Variants in SLC4A4 observed in about 807,000 individuals in gnomAD.
The protein encoded by SLC4A4 is electrogenic sodium bicarbonate cotransporter 1.
SLC4A4 carries 27 observed loss-of-function variants against 111.5 expected under a neutral mutation model. That is an observed-to-expected ratio of 0.24 (90% confidence interval 0.18 to 0.33). The LOEUF is 0.33. Among genes scored for constraint, SLC4A4 ranks in the 10% least tolerant of loss-of-function variants. SLC4A4 has a pLI of 1.00. For synonymous variants in SLC4A4, 443 were observed against 463.4 expected (o/e 0.96, Z 0.57); for missense variants, 909 against 1,315.5 (o/e 0.69, Z 4.78).
chr4:71,519,151 T>C (rs1040755980), intron 16 of SLC4A4, among the ~76,000 whole-genome samples: 2 of 152,346 alleles, frequency 1.3e-5, no homozygotes, highest in South Asian at 2.1e-4. Context: ...TTGTTCAAAT[T>C]TATGTTTCTG....
At chr4:71,205,299 A>C (rs1485620484) in intron 1 of SLC4A4, among the ~76,000 whole-genome samples, 1 of 152,142 alleles carries the variant, frequency 6.6e-6, no homozygotes, top group South Asian at 2.1e-4. Flanking sequence ...CCAGATAACA[A>C]AGAGAATGCT....
chr4:71,171,522 TG>T (rs1560757078), intron 2 of SLC4A4, among the ~76,000 whole-genome samples: 1 of 152,234 alleles, frequency 6.6e-6, no homozygotes, highest in Non-Finnish European at 1.5e-5. Context: ...CTAGTTTCCA[TG>T]GGAATTAGGA....
At position 71,486,095 on chromosome 4, in the gene SLC4A4, TAAAC is replaced by T. The variant is rs924266582; in HGVS notation, c.1904-841_1904-838del. Among the ~76,000 whole-genome samples the T allele has an allele frequency of 8.8e-4, 134 of 151,598 alleles. 1 individual carries two copies. Among genetic ancestry groups the T allele is most frequent in the African/African-American group, 3.0e-3 (123 of 41,488 alleles). On this transcript the variant is annotated intron_variant, in intron 14 of 25. Transcript: ENST00000264485. ...AGATGTTAAATAAACTATGGGACCC[TAAAC>T]AAACAAACAAATAATTAAAAACCCT...
chr4:71,473,181 T>C (rs1577988144), intron 14 of SLC4A4: 3 of 695,226 alleles, frequency 4.3e-6, no homozygotes, highest in Middle Eastern at 2.5e-4. Context: ...AGCTCTGGAA[T>C]GTGAACATAA....
At chr4:71,411,906 G>A (rs1560483690) in intron 7 of SLC4A4, among the ~76,000 whole-genome samples, 1 of 152,188 alleles carries the variant, frequency 6.6e-6, no homozygotes, top group Non-Finnish European at 1.5e-5. Context: ...TTCTTAGCTG[G>A]ATAAACAACT....
chr4:71,512,193 C>T (rs1244414448), intron 16 of SLC4A4, among the ~76,000 whole-genome samples: 1 of 152,072 alleles, frequency 6.6e-6, no homozygotes, highest in Non-Finnish European at 1.5e-5. Flanking sequence ...TTTGGGAAAT[C>T]TCAATAGTGT....
At chr4:71,563,677 G>C (rs1343410021) in intron 23 of SLC4A4, 116 bp from the exon 24 acceptor site, 1 of 747,732 alleles carries the variant, frequency 1.3e-6, no homozygotes, top group Admixed American at 1.9e-5. Flanking sequence ...TAATTATAAG[G>C]CTTTTCTCCT....
chr4:71,371,245 CTTTTTTTT>C (rs71213506), intron 6 of SLC4A4, among the ~76,000 whole-genome samples: 3 of 120,080 alleles, frequency 2.5e-5, no homozygotes, highest in Non-Finnish European at 4.9e-5. Flanking sequence ...CCAGGAATGC[CTTTTTTTT>C]TTTTTTTTTT....
intron 1 of SLC4A4, among the ~76,000 whole-genome samples, chr4:71,196,569 C>T (rs767776948): frequency 5.3e-5 from 8 of 151,892 alleles, no homozygotes; most frequent in Non-Finnish European, 7.4e-5. Context: ...TTGCACTGCC[C>T]TTTAATTGTT....
intron 2 of SLC4A4, among the ~76,000 whole-genome samples, chr4:71,131,687 T>C (rs1373683922): frequency 6.6e-6 from 1 of 152,162 alleles, no homozygotes; most frequent in Non-Finnish European, 1.5e-5. Flanking sequence ...TGATGCCAGA[T>C]TGTGATCAAG....
intron 1 of SLC4A4, among the ~76,000 whole-genome samples, chr4:71,066,655 T>C (rs1017311712): frequency 3.3e-5 from 5 of 152,230 alleles, no homozygotes; most frequent in Admixed American, 2.0e-4. Context: ...TTGGGAATAA[T>C]TGCTGTTAAT....
At chr4:71,566,885 C>G in intron 24 of SLC4A4, 119 bp from the exon 25 acceptor site, 2 of 726,948 alleles carry the variant, frequency 2.8e-6, no homozygotes, top group Non-Finnish European at 4.6e-6. Flanking sequence ...ATTGAAATGC[C>G]TAAACTTGTC....
intron 1 of SLC4A4, among the ~76,000 whole-genome samples, chr4:71,207,668 C>T (rs553885997): frequency 6.6e-6 from 1 of 152,322 alleles, no homozygotes; most frequent in South Asian, 2.1e-4. Flanking sequence ...CATTCTCCAT[C>T]AATTACTTCA....
rs182165186 is a variant in SLC4A4 at position 71,170,985 on chromosome 4, T to C, written c.-1-65591T>C. The stretch of plus-strand genomic sequence containing the variant: ...GAAAATAAAATACATGTTTAGAAAA[T>C]GGTGAGAAATCTAGGCTGAGTGGAG... On this transcript the variant is annotated intron_variant, in intron 2 of 26. Transcript: ENST00000649996. Among the ~76,000 whole-genome samples, 9 of 151,974 alleles carry C rather than the reference T, an allele frequency of 5.9e-5. No homozygotes were observed. The East Asian group carries it at 1.5e-3, about 26-fold the overall frequency.
At chr4:71,504,926 G>T (rs1466982531) in intron 16 of SLC4A4, among the ~76,000 whole-genome samples, 1 of 152,016 alleles carries the variant, frequency 6.6e-6, no homozygotes, top group Non-Finnish European at 1.5e-5. Context: ...TTTTCTGAAT[G>T]TATCCATGTG....
intron 16 of SLC4A4, among the ~76,000 whole-genome samples, chr4:71,516,409 T>C (rs552600846): frequency 6.6e-6 from 1 of 152,308 alleles, no homozygotes; most frequent in East Asian, 1.9e-4. Context: ...GGGATTTCTG[T>C]TAGTGGTACT....
chr4:71,189,541 G>A (rs1745639905), intron 1 of SLC4A4, among the ~76,000 whole-genome samples: 2 of 152,172 alleles, frequency 1.3e-5, no homozygotes, highest in South Asian at 4.1e-4. Flanking sequence ...GCTGAGTGCT[G>A]GCAGGTACAG....
chr4:71,403,985 C>G (rs1013236912), intron 7 of SLC4A4, among the ~76,000 whole-genome samples: 2 of 152,012 alleles, frequency 1.3e-5, no homozygotes, highest in African/African-American at 4.8e-5. Flanking sequence ...TTACTATCAG[C>G]AAAGGAAGTT....
intron 1 of SLC4A4, among the ~76,000 whole-genome samples, chr4:71,198,015 A>G (rs1180156111): frequency 6.6e-6 from 1 of 152,208 alleles, no homozygotes; most frequent in Non-Finnish European, 1.5e-5. Flanking sequence ...ACATTGAACT[A>G]AGAGTTTGAA....
Sources: allele counts gnomAD v4.1 joint callset (sites outside exome capture counted in the v4.1 genomes callset), GRCh38; gene constraint gnomAD v4.1.1; transcripts MANE v1.5; gene names NCBI Gene and HGNC (gene_info 2026-07-23, HGNC 2026-07-21).